The following DTNA variants were observed in gnomAD, a reference collection of about 807,000 sequenced individuals.
DTNA encodes the protein dystrophin-related protein 3.
A neutral mutation model predicts 100.7 loss-of-function variants in DTNA; 43 were observed. The observed-to-expected ratio is 0.43, with a 90% CI of 0.33 to 0.55. The LOEUF is 0.55. Ranked by LOEUF, DTNA falls within the 20% of genes least tolerant of loss-of-function variation. The pLI, the probability that DTNA is intolerant of heterozygous loss-of-function variation, is 0.04. For missense variants in DTNA, 798 were observed against 953.9 expected, an observed-to-expected ratio of 0.84 and a Z score of 2.15; for synonymous variants, 349 against 347.9, an observed-to-expected ratio of 1.00 and a Z score of -0.04.
intron 1 of DTNA, among the ~76,000 whole-genome samples, chr18:34,558,345 G>A (rs573340048): frequency 1.3e-4 from 20 of 152,150 alleles, no homozygotes; most frequent in Non-Finnish European, 2.5e-4. Flanking sequence ...CGCTCACCCT[G>A]GGAGCTGTAG....
rs1184685899 is a variant in DTNA, at chr18:34,815,954, C to A, written c.649C>A (p.Pro217Thr). Residue 217 changes from proline to threonine, a missense_variant, in exon 7 of 23, where the codon CCT becomes ACT. Physicochemically the swap from Pro to Thr is conservative, Grantham distance 38. Transcript: ENST00000444659. ...TTTCTTGGACACGCTTATGTCAGAT[C>A]CTCCCCCGCAGTGTCTGGTCTGGTT... The part of the protein sequence containing the change: ...NGFLDTLMSD[P>T]PPQCLVWLPL... The A allele has an allele frequency of 6.2e-7, 1 of 1,613,764 alleles. No individual in the cohort carries two copies. Among genetic ancestry groups the A allele is most frequent in the Non-Finnish European group, 8.5e-7 (1 of 1,179,780 alleles).
intron 1 of DTNA, among the ~76,000 whole-genome samples, chr18:34,566,237 C>A (rs138581174): frequency 6.6e-6 from 1 of 150,766 alleles, no homozygotes; most frequent in Non-Finnish European, 1.5e-5. Context: ...AATAGGGAAA[C>A]CAGCAGAGAA....
In DTNA at chr18:34,565,542, C is replaced by T. The variant is rs114034075; in HGVS notation, c.-2+72028C>T. Among the ~76,000 whole-genome samples, 702 of 152,318 alleles carry T rather than the reference C, an allele frequency of 4.6e-3. 5 individuals carry two copies. Among genetic ancestry groups the T allele is most frequent in the African/African-American group, 0.016 (682 of 41,572 alleles). ...AAATCAAAGCCCCAGCAAGGCCACA[C>T]CTTCCTCTGCAGGCTAAGTGGGTGG... is the stretch of plus-strand genomic sequence containing the variant. On this transcript the variant is annotated intron_variant, in intron 1 of 19. Coordinates refer to the DTNA transcript ENST00000283365.
intron 2 of DTNA, among the ~76,000 whole-genome samples, chr18:34,758,133 G>A (rs542871924): frequency 2.0e-4 from 30 of 152,126 alleles, no homozygotes; most frequent in African/African-American, 6.5e-4. Context: ...AAAATATATG[G>A]GTATCCCAGC....
chr18:34,624,417 C>CTTT (rs1489766588), intron 1 of DTNA, among the ~76,000 whole-genome samples: 1 of 152,258 alleles, frequency 6.6e-6, no homozygotes, highest in African/African-American at 2.4e-5. Context: ...GCAACTGCCC[C>CTTT]TTAAGTAAAG....
intron 6 of DTNA, 179 bp from the exon 7 acceptor site, chr18:34,815,730 G>A (rs910611929): frequency 2.2e-5 from 13 of 604,338 alleles, no homozygotes; most frequent in Non-Finnish European, 2.9e-5. Flanking sequence ...GGTATAAAAA[G>A]CAAACGATGT....
chr18:34,684,003 T>G (rs916976063), intron 1 of DTNA, among the ~76,000 whole-genome samples: 2 of 152,074 alleles, frequency 1.3e-5, no homozygotes, highest in African/African-American at 4.8e-5. Context: ...TCTCACCAAC[T>G]TTATGATGTT....
intron 20 of DTNA, among the ~76,000 whole-genome samples, chr18:34,880,780 A>G (rs915473327): frequency 6.6e-6 from 1 of 152,134 alleles, no homozygotes; most frequent in East Asian, 1.9e-4. Context: ...AACCATTATC[A>G]TGGGACTTAA....
At chr18:34,514,438 C>CTT (rs1342786558) in intron 1 of DTNA, among the ~76,000 whole-genome samples, 1 of 152,074 alleles carries the variant, frequency 6.6e-6, no homozygotes, top group Non-Finnish European at 1.5e-5. Context: ...AGGGACCAAA[C>CTT]TTTAAGAGTC....
intron 1 of DTNA, among the ~76,000 whole-genome samples, chr18:34,748,998 T>C (rs1436664284): frequency 6.6e-6 from 1 of 152,164 alleles, no homozygotes; most frequent in African/African-American, 2.4e-5. Flanking sequence ...TTTTATAGTT[T>C]TCCTTGTAGG....
chr18:34,592,269 G>A (rs2049812842), intron 1 of DTNA, among the ~76,000 whole-genome samples: 1 of 152,032 alleles, frequency 6.6e-6, no homozygotes, highest in Admixed American at 6.6e-5. Context: ...AACATAAAGA[G>A]GTTAGTTATT....
chr18:34,820,012 T>C, intron 8 of DTNA, among the ~76,000 whole-genome samples: 1 of 146,406 alleles, frequency 6.8e-6, no homozygotes, highest in East Asian at 2.2e-4. Context: ...AAAACCGCAA[T>C]TGCTTTTGCA....
chr18:34,691,143 G>A (rs936746930), intron 1 of DTNA, among the ~76,000 whole-genome samples: 3 of 152,140 alleles, frequency 2.0e-5, no homozygotes, highest in East Asian at 1.9e-4. Context: ...ATTCTGTCAC[G>A]TCATATAGCA....
chr18:34,817,677 A>C (rs1331233356), intron 7 of DTNA, among the ~76,000 whole-genome samples: 1 of 152,096 alleles, frequency 6.6e-6, no homozygotes, highest in Non-Finnish European at 1.5e-5. Flanking sequence ...TATCTCATCC[A>C]CACCAGTTTT....
At chr18:34,843,051 A>G (rs1461765788) in intron 13 of DTNA, among the ~76,000 whole-genome samples, 1 of 152,174 alleles carries the variant, frequency 6.6e-6, no homozygotes, top group Admixed American at 6.6e-5. Flanking sequence ...ATATTGTAGA[A>G]TATCAGTAGT....
At chr18:34,495,845 T>TA (rs2039135929) in intron 1 of DTNA, among the ~76,000 whole-genome samples, 1 of 152,212 alleles carries the variant, frequency 6.6e-6, no homozygotes, top group Admixed American at 6.5e-5. Flanking sequence ...AGCTCCAACT[T>TA]ACTTAGAGAA....
intron 20 of DTNA, 40 bp from the exon 21 acceptor site, chr18:34,882,029 T>G: frequency 1.2e-6 from 2 of 1,613,912 alleles, no homozygotes; most frequent in Non-Finnish European, 1.7e-6. Flanking sequence ...AATTCTCTTT[T>G]AAGATTTGCT....
At chr18:34,785,708 A>G (rs1383292) in intron 3 of DTNA, among the ~76,000 whole-genome samples, 148,353 of 152,280 alleles carry the variant, frequency 0.97, 72,381 homozygotes, top group East Asian at 1. Context: ...TTTATATGCC[A>G]ATTGAATATT....
chr18:34,879,542 A>G lies in DTNA; in HGVS notation c.1994-9A>G. On this transcript the variant is annotated splice_polypyrimidine_tract_variant and intron_variant, in intron 19 of 22. Transcript: ENST00000444659. ...AGTCATTCTTTATTTCTTCAATTGT[A>G]TCTGCTAGAGGTTGGGAGTGAAACA... is the stretch of plus-strand genomic sequence containing the variant. The G allele has an allele frequency of 6.2e-7, 1 of 1,614,002 alleles. No homozygotes were observed. Among genetic ancestry groups the G allele is most frequent in the South Asian group, 1.1e-5 (1 of 91,070 alleles).
Sources: allele counts gnomAD v4.1 joint callset (sites outside exome capture counted in the v4.1 genomes callset), GRCh38; gene constraint gnomAD v4.1.1; transcripts MANE v1.5; gene names NCBI Gene and HGNC (gene_info 2026-07-23, HGNC 2026-07-21).